The following ARL15 variants were observed in gnomAD, a reference collection of about 807,000 sequenced individuals.
The protein encoded by ARL15 is ARF like GTPase 15.
A neutral mutation model predicts 25.2 loss-of-function variants in ARL15; 19 were observed. The ratio of observed to expected loss-of-function variants is 0.75; its 90% CI spans 0.53 to 1.10. The LOEUF (loss-of-function observed/expected upper bound fraction) is 1.10. Ranked by LOEUF, ARL15 falls within the 50% of genes least tolerant of loss-of-function variation. ARL15 has a pLI of 0.00. For missense variants in ARL15, 220 were observed against 246.0 expected, an observed-to-expected ratio of 0.89 and a Z score of 0.71; for synonymous variants, 94 against 86.8, an observed-to-expected ratio of 1.08 and a Z score of -0.46.
At chr5:54,060,129 TAAAAAAA>T (rs1165458695) in intron 4 of ARL15, among the ~76,000 whole-genome samples, 30 of 77,582 alleles carry the variant, frequency 3.9e-4, no homozygotes, top group African/African-American at 1.2e-3. Context: ...ATCTGATGAC[TAAAAAAA>T]AAAAAAAAAA....
At chr5:54,007,836 T>C (rs1221603632) in intron 4 of ARL15, among the ~76,000 whole-genome samples, 1 of 152,178 alleles carries the variant, frequency 6.6e-6, no homozygotes, top group Non-Finnish European at 1.5e-5. Flanking sequence ...TTCTTTCAAA[T>C]CAAAAGCAGC....
At chr5:54,207,234 G>A (rs1458193935) in intron 1 of ARL15, among the ~76,000 whole-genome samples, 1 of 152,244 alleles carries the variant, frequency 6.6e-6, no homozygotes, top group Non-Finnish European at 1.5e-5. Context: ...ACAAATGTAT[G>A]TGGGTATCTG....
intron 1 of ARL15, among the ~76,000 whole-genome samples, chr5:54,267,291 C>T (rs922101588): frequency 2.0e-5 from 3 of 152,114 alleles, no homozygotes; most frequent in Non-Finnish European, 4.4e-5. Context: ...CGGGGTTTCA[C>T]ATTGTTAGCC....
chr5:53,890,642 G>A (rs1744680368), intron 4 of ARL15, among the ~76,000 whole-genome samples: 2 of 152,178 alleles, frequency 1.3e-5, no homozygotes, highest in African/African-American at 2.4e-5. Flanking sequence ...TAGTAGCCAT[G>A]TGTCCACCCT....
intron 1 of ARL15, among the ~76,000 whole-genome samples, chr5:54,289,980 T>C (rs1053329278): frequency 3.3e-5 from 5 of 152,190 alleles, no homozygotes; most frequent in Admixed American, 1.3e-4. Context: ...CTTCTACAGA[T>C]GCCTTGCATT....
intron 4 of ARL15, among the ~76,000 whole-genome samples, chr5:54,004,054 A>G (rs1056761251): frequency 3.5e-4 from 53 of 152,328 alleles, no homozygotes; most frequent in African/African-American, 1.3e-3. Context: ...TTGCACTTCC[A>G]TAGGAAACTT....
intron 3 of ARL15, among the ~76,000 whole-genome samples, chr5:54,122,435 G>A (rs1475306224): frequency 2.6e-5 from 4 of 152,230 alleles, no homozygotes; most frequent in Non-Finnish European, 4.4e-5. Flanking sequence ...GTGCATGCGT[G>A]CGCAATGTGC....
At chr5:54,203,131 C>T (rs1037371659) in intron 1 of ARL15, among the ~76,000 whole-genome samples, 2 of 152,078 alleles carry the variant, frequency 1.3e-5, no homozygotes, top group Non-Finnish European at 2.9e-5. Context: ...CCTGAATCAA[C>T]AGTAAGTCCC....
At chr5:54,030,580 T>C (rs1749949474) in intron 4 of ARL15, among the ~76,000 whole-genome samples, 1 of 152,168 alleles carries the variant, frequency 6.6e-6, no homozygotes, top group Non-Finnish European at 1.5e-5. Context: ...AGCAAGGTAA[T>C]TCTGGGAAGC....
chr5:54,152,317 G>A (rs151313326), intron 3 of ARL15, among the ~76,000 whole-genome samples: 2 of 152,122 alleles, frequency 1.3e-5, no homozygotes, highest in East Asian at 1.9e-4. Flanking sequence ...TAGCATACAC[G>A]TTAACTCCTA....
chr5:53,890,871 A>G (rs764457638), intron 4 of ARL15, among the ~76,000 whole-genome samples: 15 of 152,336 alleles, frequency 9.8e-5, no homozygotes, highest in Middle Eastern at 3.4e-3. Context: ...GACATTACAT[A>G]GCACTGGAGA....
intron 3 of ARL15, among the ~76,000 whole-genome samples, chr5:54,136,705 C>T (rs934746684): frequency 6.6e-6 from 1 of 152,304 alleles, no homozygotes; most frequent in East Asian, 1.9e-4. Context: ...ACAAAACTCA[C>T]AGCCTGCTCT....
At chr5:54,033,753 A>T (rs1750074856) in intron 4 of ARL15, among the ~76,000 whole-genome samples, 1 of 152,176 alleles carries the variant, frequency 6.6e-6, no homozygotes, top group Admixed American at 6.5e-5. Context: ...CCACAGAAAT[A>T]ATAGTTTGAA....
chr5:53,892,254 G>C (rs1174945934), intron 4 of ARL15, among the ~76,000 whole-genome samples: 3 of 152,194 alleles, frequency 2.0e-5, no homozygotes, highest in African/African-American at 4.8e-5. Context: ...TCCATCTCTG[G>C]AAAAGGAAAC....
chr5:54,207,517 T>C (rs937015361), intron 1 of ARL15, among the ~76,000 whole-genome samples: 1 of 152,206 alleles, frequency 6.6e-6, no homozygotes, highest in Non-Finnish European at 1.5e-5. Context: ...AAGTGGCAGG[T>C]TGAATACAGT....
intron 4 of ARL15, among the ~76,000 whole-genome samples, chr5:54,076,231 A>G (rs2112091467): frequency 6.6e-6 from 1 of 152,096 alleles, no homozygotes; most frequent in East Asian, 1.9e-4. Flanking sequence ...CCTGGCTAAT[A>G]CAGTGAAACC....
At chr5:54,219,621 A>T (rs1423432017) in intron 1 of ARL15, among the ~76,000 whole-genome samples, 5 of 152,234 alleles carry the variant, frequency 3.3e-5, no homozygotes, top group Non-Finnish European at 7.3e-5. Flanking sequence ...AAACACAAAA[A>T]GTCTGTATCA....
chr5:54,018,922 T>C (rs530065431), intron 4 of ARL15, among the ~76,000 whole-genome samples: 6 of 152,300 alleles, frequency 3.9e-5, no homozygotes, highest in Non-Finnish European at 8.8e-5. Flanking sequence ...GTTGTTTTTT[T>C]CTATAATCTG....
intron 1 of ARL15, among the ~76,000 whole-genome samples, chr5:54,302,110 G>A (rs1329630544): frequency 6.6e-6 from 1 of 152,156 alleles, no homozygotes; most frequent in Non-Finnish European, 1.5e-5. Context: ...TTTCCCAGTG[G>A]GAGCTGCACT....
Sources: gnomAD v4.1 joint callset for allele counts (sites outside exome capture counted in the v4.1 genomes callset) on GRCh38, gnomAD v4.1.1 for gene constraint, MANE v1.5 for transcripts, NCBI Gene and HGNC (gene_info 2026-07-23, HGNC 2026-07-21) for gene names.